EXOC6B: variants seen among roughly 807,000 people sequenced by gnomAD.
The protein encoded by EXOC6B is SEC15 homolog B.
Under a neutral mutation model 113.5 loss-of-function variants are expected in EXOC6B, and 54 were observed. The observed-to-expected ratio is 0.48, with a 90% CI of 0.38 to 0.60. The LOEUF is 0.60. Among genes scored for constraint, EXOC6B ranks in the 20% least tolerant of loss-of-function variants. The probability of loss-of-function intolerance (pLI) is 0.00; values close to 1 mark genes in which losing one functional copy is unlikely to be tolerated. For missense variants in EXOC6B, 797 were observed against 977.5 expected, an observed-to-expected ratio of 0.82 and a Z score of 2.46; for synonymous variants, 357 against 339.0, an observed-to-expected ratio of 1.05 and a Z score of -0.58.
At chr2:72,292,975 G>T (rs1685897804) in intron 20 of EXOC6B, among the ~76,000 whole-genome samples, 1 of 152,110 alleles carries the variant, frequency 6.6e-6, no homozygotes, top group Non-Finnish European at 1.5e-5. Flanking sequence ...TGGCCATTAT[G>T]AATAAAGCTG....
chr2:72,504,471 G>C (rs1434237542), intron 11 of EXOC6B, among the ~76,000 whole-genome samples: 2 of 151,984 alleles, frequency 1.3e-5, no homozygotes, highest in Non-Finnish European at 2.9e-5. Context: ...GAATGCTATT[G>C]TATATAGCTA....
At chr2:72,787,774 G>C (rs757299739) in intron 1 of EXOC6B, among the ~76,000 whole-genome samples, 1 of 151,910 alleles carries the variant, frequency 6.6e-6, no homozygotes, top group South Asian at 2.1e-4. Flanking sequence ...CTACAGGCAC[G>C]TGCCACCATG....
intron 6 of EXOC6B, among the ~76,000 whole-genome samples, chr2:72,612,648 G>A (rs538833242): frequency 1.3e-5 from 2 of 152,268 alleles, no homozygotes; most frequent in South Asian, 4.1e-4. Context: ...AATTATGGGA[G>A]GATAAAGCAT....
At chr2:72,572,200 A>T (rs1704553122) in intron 7 of EXOC6B, among the ~76,000 whole-genome samples, 1 of 152,290 alleles carries the variant, frequency 6.6e-6, no homozygotes, top group Middle Eastern at 3.4e-3. Context: ...TATACTAAAA[A>T]AGCTTTGTCA....
intron 6 of EXOC6B, among the ~76,000 whole-genome samples, chr2:72,605,596 C>A (rs1275870473): frequency 1.3e-5 from 2 of 152,100 alleles, no homozygotes; most frequent in Admixed American, 1.3e-4. Context: ...TAAGAAGAAA[C>A]CTTTATTCTT....
At chr2:72,404,928 T>A (rs1693619280) in intron 18 of EXOC6B, among the ~76,000 whole-genome samples, 2 of 152,090 alleles carry the variant, frequency 1.3e-5, no homozygotes, top group South Asian at 2.1e-4. Flanking sequence ...GGAGGAAGTT[T>A]CAACCCATGG....
intron 20 of EXOC6B, among the ~76,000 whole-genome samples, chr2:72,273,808 G>T (rs1024022349): frequency 1.8e-4 from 28 of 152,082 alleles, no homozygotes; most frequent in Admixed American, 1.8e-3. Flanking sequence ...GCAGAGGAAT[G>T]ATCAATTTAA....
chr2:72,279,452 A>G (rs148184472), intron 20 of EXOC6B, among the ~76,000 whole-genome samples: 1 of 152,236 alleles, frequency 6.6e-6, no homozygotes, highest in Non-Finnish European at 1.5e-5. Flanking sequence ...ATAAGGGCCC[A>G]AATATTAAAG....
At chr2:72,515,822 T>C (rs1701184333) in intron 8 of EXOC6B, 3 of 716,344 alleles carry the variant, frequency 4.2e-6, no homozygotes, top group Non-Finnish European at 5.1e-6. Context: ...AATAGGGCCA[T>C]TGTGATGTAA....
chr2:72,297,488 C>T (rs1686216535), intron 20 of EXOC6B, among the ~76,000 whole-genome samples: 1 of 152,120 alleles, frequency 6.6e-6, no homozygotes, highest in South Asian at 2.1e-4. Flanking sequence ...ACGTGGTTTT[C>T]TGTTCCTGTG....
chr2:72,460,451 C>A (rs1350327394), intron 18 of EXOC6B, among the ~76,000 whole-genome samples: 1 of 151,734 alleles, frequency 6.6e-6, no homozygotes, highest in African/African-American at 2.4e-5. Flanking sequence ...TTTTCGCAAC[C>A]TACTCATCTG....
intron 7 of EXOC6B, among the ~76,000 whole-genome samples, chr2:72,571,927 C>T (rs991766396): frequency 2.6e-5 from 4 of 151,450 alleles, no homozygotes; most frequent in Non-Finnish European, 5.9e-5. Context: ...AAATGTTATT[C>T]AATGAAAAAA....
At chr2:72,734,822 C>T (rs1680849712) in intron 2 of EXOC6B, among the ~76,000 whole-genome samples, 1 of 152,096 alleles carries the variant, frequency 6.6e-6, no homozygotes, top group South Asian at 2.1e-4. Context: ...AAGCTAACCA[C>T]AGGAAAAACA....
At chr2:72,696,028 A>T (rs1339116170) in intron 6 of EXOC6B, among the ~76,000 whole-genome samples, 1 of 152,004 alleles carries the variant, frequency 6.6e-6, no homozygotes, top group Admixed American at 6.6e-5. Flanking sequence ...TTTTCATCTT[A>T]AAAAAAAGAA....
Position 72,264,407 on chromosome 2 carries a change from C to T in EXOC6B, c.2196+70540G>A, listed in dbSNP as rs1278557008. On this transcript the variant is annotated intron_variant, in intron 20 of 21. Transcript: ENST00000272427. ...CCAGCATGGTGAAACCCCGTCTCTA[C>T]AAAAATACAAAAAATTAGCCAGGCG... Among the ~76,000 whole-genome samples, 4 of 151,858 alleles carry T rather than the reference C, an allele frequency of 2.6e-5. No individual in the cohort carries two copies. The East Asian group carries it at 5.8e-4, about 22-fold the overall frequency.
At chr2:72,505,365 C>T (rs1238110350) in intron 11 of EXOC6B, among the ~76,000 whole-genome samples, 2 of 152,096 alleles carry the variant, frequency 1.3e-5, no homozygotes, top group African/African-American at 2.4e-5. Context: ...CCTATGCCAC[C>T]TAATATATAT....
At chr2:72,442,827 A>C (rs1235257852) in intron 18 of EXOC6B, among the ~76,000 whole-genome samples, 1 of 152,214 alleles carries the variant, frequency 6.6e-6, no homozygotes, top group Non-Finnish European at 1.5e-5. Flanking sequence ...AGAAATTCAT[A>C]AATTCAATGC....
chr2:72,354,819 G>A lies in EXOC6B; in HGVS notation c.2123-19799C>T, dbSNP rs1036114030. 2.6e-5 allele frequency among the ~76,000 whole-genome samples: 4 copies of A among 152,322 alleles called. No individual in the cohort carries two copies. In the East Asian group the frequency reaches 7.7e-4, roughly 29 times the overall value. Reference sequence around the variant, plus strand: ...AAAGCACAGCACCGAGCAAGGACAAGCCTTGTAGGCATGGTCAGATAAGAG... The same window carrying A: ...AAAGCACAGCACCGAGCAAGGACAAACCTTGTAGGCATGGTCAGATAAGAG... On this transcript the variant is annotated intron_variant, in intron 19 of 21. Transcript: ENST00000272427.
chr2:72,496,675 T>C, intron 13 of EXOC6B, 116 bp from the exon 14 acceptor site: 1 of 687,708 alleles, frequency 1.5e-6, no homozygotes, highest in Non-Finnish European at 2.6e-6. Context: ...AACTCCAATC[T>C]TAATATATAT....
Sources: allele counts gnomAD v4.1 joint callset (sites outside exome capture counted in the v4.1 genomes callset), GRCh38; gene constraint gnomAD v4.1.1; transcripts MANE v1.5; gene names NCBI Gene and HGNC (gene_info 2026-07-23, HGNC 2026-07-21).